Variants in TMEM230 observed in about 807,000 individuals in gnomAD.
TMEM230 encodes transmembrane protein 230.
In TMEM230, 10 loss-of-function variants were observed where a neutral mutation model predicts 15.8. That is an observed-to-expected ratio of 0.63 (90% CI 0.39 to 1.07). The LOEUF is 1.07. Ranked by LOEUF, TMEM230 falls within the 50% of genes least tolerant of loss-of-function variation. The pLI, the probability that TMEM230 is intolerant of heterozygous loss-of-function variation, is 0.01. For synonymous variants in TMEM230, 67 were observed against 76.9 expected, an observed-to-expected ratio of 0.87 and a Z score of 0.68; for missense variants, 165 against 193.3, an observed-to-expected ratio of 0.85 and a Z score of 0.87.
chr20:5,112,111 T>A (rs2090350233), intron 1 of TMEM230, among the ~76,000 whole-genome samples: 1 of 152,242 alleles, frequency 6.6e-6, no homozygotes, highest in African/African-American at 2.4e-5. Flanking sequence ...CCCAAAGTGC[T>A]GGGATTACAG....
intron 3 of TMEM230, among the ~76,000 whole-genome samples, chr20:5,092,039 C>T (rs1463733998): frequency 1.3e-5 from 2 of 152,198 alleles, no homozygotes; most frequent in African/African-American, 4.8e-5. Flanking sequence ...GGTATATAAA[C>T]GTGAGCTTAC....
chr20:5,059,861 C>G, the TMEM230 span, among the ~76,000 whole-genome samples: 5 of 149,990 alleles, frequency 3.3e-5, no homozygotes, highest in Admixed American at 3.4e-4. Flanking sequence ...CTCGCTGCAA[C>G]CTCCGCCTCC....
chr20:5,100,960 G>A (rs1271483362), intron 4 of TMEM230, 29 bp from the exon 4 acceptor site: 7 of 1,613,036 alleles, frequency 4.3e-6, no homozygotes, highest in Non-Finnish European at 5.9e-6. Flanking sequence ...AAACACATTA[G>A]TACCGTAAGA....
intron 4 of TMEM230, among the ~76,000 whole-genome samples, chr20:5,101,565 T>G (rs1401789625): frequency 6.6e-6 from 1 of 151,928 alleles, no homozygotes; most frequent in Admixed American, 6.6e-5. Flanking sequence ...GAGTTACAGG[T>G]GTCAGTCACC....
At chr20:5,098,460 G>A (rs2089732093), downstream of TMEM230, 2 of 152,178 alleles carry the variant, frequency 1.3e-5, no homozygotes, top group African/African-American at 4.8e-5. Context: ...AGCATTCAGG[G>A]TAGTATGGCC....
intron 3 of TMEM230, among the ~76,000 whole-genome samples, chr20:5,089,468 G>C (rs1319701703): frequency 1.3e-5 from 2 of 152,048 alleles, no homozygotes; most frequent in Non-Finnish European, 2.9e-5. Flanking sequence ...GGGAGGCCGT[G>C]GTGGGAAGAT....
chr20:5,094,724 A>C (rs1256904716), intron 3 of TMEM230, among the ~76,000 whole-genome samples: 1 of 150,586 alleles, frequency 6.6e-6, no homozygotes, highest in African/African-American at 2.4e-5. Flanking sequence ...AAAAAAAAAA[A>C]AAAATTTGTA....
At chr20:5,110,626 C>T (rs566521153) in intron 2 of TMEM230, among the ~76,000 whole-genome samples, 2 of 152,236 alleles carry the variant, frequency 1.3e-5, no homozygotes, top group African/African-American at 4.8e-5. Flanking sequence ...CCTCCAGAAG[C>T]GCCCACCTCT....
At chr20:5,067,410 CATATATAT>C (rs60791101), downstream of TMEM230, 338 of 102,206 alleles carry the variant, frequency 3.3e-3, 1 homozygote, top group Non-Finnish European at 4.9e-3. Flanking sequence ...TGTTTAGGCT[CATATATAT>C]ATATATATAT....
downstream of TMEM230, chr20:5,067,410 C>CATATATATAT (rs60791101): frequency 2.9e-3 from 299 of 102,198 alleles, 2 homozygotes; most frequent in Non-Finnish European, 4.2e-3. Flanking sequence ...TGTTTAGGCT[C>CATATATATAT]ATATATATAT....
chr20:5,075,450 G>A (rs558718395), intron 3 of TMEM230, among the ~76,000 whole-genome samples: 13 of 151,950 alleles, frequency 8.6e-5, no homozygotes, highest in Non-Finnish European at 1.9e-4. Context: ...GAGGCCAGGC[G>A]CGGTGGCTCA....
At chr20:5,080,715 C>CG (rs2089154035) in intron 3 of TMEM230, among the ~76,000 whole-genome samples, 1 of 152,070 alleles carries the variant, frequency 6.6e-6, no homozygotes, top group Admixed American at 6.6e-5. Context: ...TACAGGCATG[C>CG]GCCACCACGC....
intron 3 of TMEM230, among the ~76,000 whole-genome samples, chr20:5,073,662 G>T (rs545256756): frequency 2.0e-5 from 3 of 152,340 alleles, no homozygotes; most frequent in Admixed American, 6.5e-5. Flanking sequence ...GCAACAAAGT[G>T]GGGGAGACTG....
intron 3 of TMEM230, among the ~76,000 whole-genome samples, chr20:5,089,966 C>A (rs1048526757): frequency 6.6e-6 from 1 of 151,686 alleles, no homozygotes; most frequent in Non-Finnish European, 1.5e-5. Flanking sequence ...TTGCAGTGGG[C>A]TATCGTGCCA....
intron 3 of TMEM230, among the ~76,000 whole-genome samples, chr20:5,093,946 C>CT (rs879669312): frequency 2.7e-5 from 4 of 150,886 alleles, no homozygotes; most frequent in South Asian, 2.1e-4. Flanking sequence ...GATCAGTGAG[C>CT]TTTTTTTTTC....
intron 3 of TMEM230, among the ~76,000 whole-genome samples, chr20:5,107,443 A>T (rs930023654): frequency 1.3e-5 from 2 of 152,160 alleles, no homozygotes; most frequent in African/African-American, 4.8e-5. Flanking sequence ...TTGCTCTCAC[A>T]GTTACTCAAA....
At chr20:5,104,791 T>C (rs2090004478) in intron 4 of TMEM230, among the ~76,000 whole-genome samples, 1 of 152,232 alleles carries the variant, frequency 6.6e-6, no homozygotes, top group African/African-American at 2.4e-5. Context: ...ACACTTTCCA[T>C]GTTCTCACTC....
In TMEM230 at chr20:5,083,285, A is replaced by ATT. The variant is rs71197748; in HGVS notation, c.223-13938_223-13937dup. On this transcript the variant is annotated intron_variant, in intron 3 of 3. Coordinates refer to the TMEM230 transcript ENST00000612323. ...CATCTTTTTGAAGTTGGTTAGGGAG[A>ATT]TTTTTTTTTTTTTTTTTTTTTTTTT... 5.6e-3 allele frequency among the ~76,000 whole-genome samples: 677 copies of ATT among 119,900 alleles called. 3 individuals carry two copies. The highest frequency in any genetic ancestry group is 0.019 in the African/African-American group (592 of 30,510). The allele number at this position is 119,900 out of a possible 152,430, so 78.7% of individuals were successfully genotyped here.
chr20:5,072,790 A>T (rs1201983183), intron 3 of TMEM230, among the ~76,000 whole-genome samples: 1 of 140,454 alleles, frequency 7.1e-6, no homozygotes, highest in Non-Finnish European at 1.5e-5. Flanking sequence ...CGGAGGTTGC[A>T]GTGAGCCGAG....
Sources: allele counts gnomAD v4.1 joint callset (sites outside exome capture counted in the v4.1 genomes callset), GRCh38; gene constraint gnomAD v4.1.1; transcripts MANE v1.5; gene names NCBI Gene and HGNC (gene_info 2026-07-23, HGNC 2026-07-21).